Variants in RASA3 observed in about 807,000 individuals in gnomAD.
RASA3 encodes the protein ras GTPase-activating protein 3.
RASA3 carries 73 observed loss-of-function variants against 110.0 expected under a neutral mutation model. The ratio of observed to expected loss-of-function variants is 0.66; its 90% confidence interval spans 0.55 to 0.81. RASA3 has a LOEUF of 0.81. RASA3 is among the 30% of genes least tolerant of loss of function. The pLI, the probability that RASA3 is intolerant of heterozygous loss-of-function variation, is 0.00. For missense variants in RASA3, 976 were observed against 1,113.2 expected (o/e 0.88, Z 1.75); for synonymous variants, 500 against 451.4 (o/e 1.11, Z -1.37).
chr13:113,996,052 G>A (rs1453557514), intron 21 of RASA3, among the ~76,000 whole-genome samples: 2 of 145,814 alleles, frequency 1.4e-5, no homozygotes, highest in Admixed American at 1.3e-4. Context: ...GGCTGATGGG[G>A]GGGCCCGGCT....
intron 9 of RASA3, among the ~76,000 whole-genome samples, chr13:114,019,497 G>A (rs1276100925): frequency 1.3e-5 from 2 of 151,890 alleles, no homozygotes; most frequent in African/African-American, 2.4e-5. Context: ...GCCTGTGTCC[G>A]AGGCCCCGCC....
chr13:114,128,918 C>T (rs376517597), intron 1 of RASA3, among the ~76,000 whole-genome samples: 1 of 151,428 alleles, frequency 6.6e-6, no homozygotes, highest in Non-Finnish European at 1.5e-5. Context: ...CCCTGGACCG[C>T]GGGGCTGGCT....
chr13:113,991,768 G>C (rs1243746662), intron 22 of RASA3, among the ~76,000 whole-genome samples: 1 of 152,252 alleles, frequency 6.6e-6, no homozygotes, highest in Non-Finnish European at 1.5e-5. Flanking sequence ...TAGATGGCAT[G>C]TGTGTACCCA....
intron 3 of RASA3, among the ~76,000 whole-genome samples, chr13:114,042,454 T>G (rs988220338): frequency 6.6e-6 from 1 of 152,250 alleles, no homozygotes; most frequent in African/African-American, 2.4e-5. Flanking sequence ...GGCAGACTCC[T>G]CACGTCTTCG....
At chr13:113,994,807 C>CA (rs1313440236) in intron 21 of RASA3, among the ~76,000 whole-genome samples, 1 of 152,130 alleles carries the variant, frequency 6.6e-6, no homozygotes, top group African/African-American at 2.4e-5. Context: ...CCCGTTTCTA[C>CA]AAAAAACCTT....
In RASA3 at chr13:113,996,568, G is replaced by A; in HGVS notation, c.2104C>T (p.Pro702Ser). The A allele has an allele frequency of 6.2e-7, 1 of 1,613,204 alleles. No homozygotes were observed. The highest frequency in any genetic ancestry group is 8.5e-7 in the Non-Finnish European group (1 of 1,180,016). ...LSGHWLCCRA[P>S]SDSAPGCSPC... ...GAGCAGCCCGGAGCCGAGTCGGATG[G>A]CGCCCTACAGCACAGCCAGTGGCCG... Residue 702 changes from proline (P) to serine (S), a missense_variant, in exon 21 of 24, where the codon CCA (proline) becomes TCA (serine). Pro to Ser is a moderately conservative substitution (Grantham distance 74, BLOSUM62 -1). Coordinates refer to ENST00000334062, the MANE Select transcript of RASA3 (RefSeq NM_007368.4).
intron 4 of RASA3, 53 bp downstream of exon 4, chr13:114,040,947 A>G: frequency 6.4e-7 from 1 of 1,560,596 alleles, no homozygotes; most frequent in Non-Finnish European, 8.8e-7. Flanking sequence ...CCCGTCTCGA[A>G]GCCCCATGGT....
intron 1 of RASA3, among the ~76,000 whole-genome samples, chr13:114,083,651 G>A (rs1246011184): frequency 1.2e-5 from 1 of 81,688 alleles, no homozygotes; most frequent in East Asian, 3.2e-4. Flanking sequence ...CTTCCTCCTC[G>A]CGGGGAAATC....
In RASA3 at chr13:114,042,435, G is replaced by A. The variant is rs935549906; in HGVS notation, c.278-1341C>T. On this transcript the variant is annotated intron_variant, in intron 3 of 23. Transcript: ENST00000334062. Reference sequence around the variant, plus strand: ...CACACACGAGAGCAGGAGTGAGGAAGGAAATGTTGGCAGACTCCTCACGTC... The same window carrying A: ...CACACACGAGAGCAGGAGTGAGGAAAGAAATGTTGGCAGACTCCTCACGTC... Among the ~76,000 whole-genome samples, 11 of 152,406 alleles carry A rather than the reference G, an allele frequency of 7.2e-5. 1 individual carries two copies. In the South Asian group the frequency reaches 2.3e-3, roughly 32 times the overall value.
At chr13:114,030,759 G>T (rs990767548) in intron 4 of RASA3, among the ~76,000 whole-genome samples, 1 of 148,746 alleles carries the variant, frequency 6.7e-6, no homozygotes, top group Non-Finnish European at 1.5e-5. Flanking sequence ...GTGCAGCTGT[G>T]TATGTGAGCA....
At chr13:114,025,046 TC>T (rs996583869) in intron 7 of RASA3, among the ~76,000 whole-genome samples, 13 of 151,742 alleles carry the variant, frequency 8.6e-5, no homozygotes, top group African/African-American at 3.2e-4. Context: ...CACCTGGAGT[TC>T]CGATTTAACC....
chr13:114,103,045 C>T (rs968261361), intron 1 of RASA3, among the ~76,000 whole-genome samples: 3 of 152,194 alleles, frequency 2.0e-5, no homozygotes, highest in African/African-American at 7.2e-5. Context: ...CTCACGTGGG[C>T]AGCTCCGGTG....
At chr13:114,091,228 AC>A (rs2079886766) in intron 1 of RASA3, among the ~76,000 whole-genome samples, 1 of 151,886 alleles carries the variant, frequency 6.6e-6, no homozygotes, top group Non-Finnish European at 1.5e-5. Context: ...GTCCCCCTCC[AC>A]TGTCATGTCC....
intron 20 of RASA3, among the ~76,000 whole-genome samples, chr13:113,997,526 C>T (rs2053283685): frequency 6.6e-6 from 1 of 150,882 alleles, no homozygotes; most frequent in Admixed American, 6.6e-5. Context: ...GGTCCTGGGG[C>T]AGGTGGGACA....
At position 114,102,884 on chromosome 13, in the gene RASA3, C is replaced by T. The variant is rs141240693; in HGVS notation, c.56-29047G>A. On this transcript the variant is annotated intron_variant, in intron 1 of 23. Coordinates refer to ENST00000334062, the MANE Select transcript of RASA3 (RefSeq NM_007368.4). ...TCTGTATAATCGCCGTGGGCGCAGC[C>T]GGCAGTGCCACCCACCCACCCACAA... 9.5e-3 allele frequency among the ~76,000 whole-genome samples: 1,443 copies of T among 152,164 alleles called. 19 individuals carry two copies. The highest frequency in any genetic ancestry group is 0.058 in the Middle Eastern group (17 of 294).
chr13:114,059,106 G>A (rs895351793), intron 2 of RASA3, among the ~76,000 whole-genome samples: 1 of 152,182 alleles, frequency 6.6e-6, no homozygotes, highest in African/African-American at 2.4e-5. Context: ...TGAGCCCGGG[G>A]TTCCAGGCTG....
In RASA3 at chr13:114,056,852, T is replaced by C. The variant is rs2079254141; in HGVS notation, c.174-4697A>G. 6.6e-6 allele frequency among the ~76,000 whole-genome samples: 1 copy of C among 152,174 alleles called. No homozygotes were observed. The highest frequency in any genetic ancestry group is 6.5e-5 in the Admixed American group (1 of 15,284). On this transcript the variant is annotated intron_variant, in intron 2 of 23. Coordinates refer to ENST00000334062, the MANE Select transcript of RASA3 (RefSeq NM_007368.4). The surrounding 1 kb of genome is among the most constrained non-coding windows in gnomAD (Gnocchi z 5.7). ...GCAACACAGCATGGCCCTGCTGCAC[T>C]ACCCCTGGGGAGCAAGACCTCCTCC...
intron 3 of RASA3, among the ~76,000 whole-genome samples, chr13:114,041,651 A>G (rs925350268): frequency 6.6e-6 from 1 of 152,260 alleles, no homozygotes; most frequent in African/African-American, 2.4e-5. Context: ...CGTGCGAGCG[A>G]CAGCCTGAAA....
intron 1 of RASA3, among the ~76,000 whole-genome samples, chr13:114,082,414 T>C (rs564009346): frequency 1.3e-5 from 2 of 152,374 alleles, no homozygotes; most frequent in South Asian, 4.1e-4. Context: ...TAACGGGCAG[T>C]GGCAACAATG....
Sources: allele counts gnomAD v4.1 joint callset (sites outside exome capture counted in the v4.1 genomes callset), GRCh38; gene constraint gnomAD v4.1.1; non-coding constraint Gnocchi (gnomAD v3.1); transcripts MANE v1.5; gene names NCBI Gene and HGNC (gene_info 2026-07-23, HGNC 2026-07-21).